The following CPS1 variants were observed in gnomAD, a reference collection of about 807,000 sequenced individuals.
The protein encoded by CPS1 is carbamoyl-phosphate synthase [ammonia], mitochondrial.
CPS1 carries 109 observed loss-of-function variants against 174.6 expected under a neutral mutation model. The ratio of observed to expected loss-of-function variants is 0.62; its 90% CI spans 0.53 to 0.73. The LOEUF is 0.73. Among genes scored for constraint, CPS1 ranks in the 30% least tolerant of loss-of-function variants. The probability of loss-of-function intolerance (pLI) is 0.00; values close to 1 mark genes in which losing one functional copy is unlikely to be tolerated. For synonymous variants in CPS1, 637 were observed against 632.0 expected, an observed-to-expected ratio of 1.01 and a Z score of -0.12; for missense variants, 1,689 against 1,821.9, an observed-to-expected ratio of 0.93 and a Z score of 1.33.
In CPS1 at chr2:210,588,126, T is replaced by A; in HGVS notation, c.690T>A (p.Asn230Lys). The change falls in exon 7 of 38, where the codon AAT (asparagine) becomes AAA (lysine). Residue 230 changes from asparagine (N) to lysine (K), a missense_variant. Transcript: ENST00000233072. Reference sequence around the variant, plus strand: ...CTGTAGACTGTGGGATTAAAAACAATGTAATCCGCCTGCTAGTAAAGGTAA... The same window carrying A: ...CTGTAGACTGTGGGATTAAAAACAAAGTAATCCGCCTGCTAGTAAAGGTAA... ...VVAVDCGIKNNVIRLLVKRGA... is the reference protein window; with the variant it reads ...VVAVDCGIKNKVIRLLVKRGA... 1 of 1,612,878 alleles carries A rather than the reference T, an allele frequency of 6.2e-7. No individual in the cohort carries two copies. Among genetic ancestry groups the A allele is most frequent in the Non-Finnish European group, 8.5e-7 (1 of 1,179,164 alleles).
intron 30 of CPS1, chr2:210,658,325 G>T (rs932976990): frequency 5.2e-6 from 2 of 388,080 alleles, no homozygotes; most frequent in Non-Finnish European, 9.8e-6. Flanking sequence ...GTAAAACCAG[G>T]TTATATAATT....
At chr2:210,673,025 ATGTGTTTT>A (rs1364677679) in intron 34 of CPS1, 2 of 152,188 alleles carry the variant, frequency 1.3e-5, no homozygotes, top group South Asian at 2.1e-4. Flanking sequence ...CAAGGATCAC[ATGTGTTTT>A]ATTGTCACAG....
At chr2:210,590,309 G>A in intron 8 of CPS1, 75 bp downstream of exon 8, 1 of 1,599,800 alleles carries the variant, frequency 6.3e-7, no homozygotes, top group East Asian at 2.2e-5. Context: ...AAAGGGCTGT[G>A]ATACATTTTA....
chr2:210,615,967 G>A (rs116491893), intron 20 of CPS1, among the ~76,000 whole-genome samples: 5,277 of 152,056 alleles, frequency 0.035, 115 homozygotes, highest in Admixed American at 0.058. Context: ...GTGTGAATGT[G>A]GAGTGAGGTG....
At chr2:210,553,093 G>T (rs1696772704), upstream of CPS1, among the ~76,000 whole-genome samples, 1 of 151,488 alleles carries the variant, frequency 6.6e-6, no homozygotes, top group Non-Finnish European at 1.5e-5. Flanking sequence ...CAATGAAAAT[G>T]GAATATTTTG....
intron 21 of CPS1, among the ~76,000 whole-genome samples, chr2:210,634,201 C>A (rs1699959255): frequency 6.6e-6 from 1 of 152,180 alleles, no homozygotes; most frequent in Non-Finnish European, 1.5e-5. Flanking sequence ...GAGGCCGAGG[C>A]AGGCGGATCA....
intron 1 of CPS1, among the ~76,000 whole-genome samples, chr2:210,515,446 C>G (rs1370762625): frequency 1.3e-5 from 2 of 151,464 alleles, no homozygotes; most frequent in African/African-American, 4.8e-5. Flanking sequence ...TTGTGTGTTT[C>G]TAGGAATTTA....
intron 6 of CPS1, among the ~76,000 whole-genome samples, chr2:210,585,637 C>T (rs1212877653): frequency 6.6e-6 from 1 of 151,878 alleles, no homozygotes; most frequent in African/African-American, 2.4e-5. Flanking sequence ...AACATCATCC[C>T]ATACTGCCTT....
intron 33 of CPS1, among the ~76,000 whole-genome samples, chr2:210,667,136 A>G (rs977832536): frequency 7.2e-5 from 11 of 152,006 alleles, no homozygotes; most frequent in African/African-American, 2.7e-4. Flanking sequence ...TTTGTCTGTT[A>G]TTGCTGTATA....
Position 210,668,193 on chromosome 2 carries a change from G to T in CPS1, c.4010G>T (p.Cys1337Phe). The T allele has an allele frequency of 6.2e-7, 1 of 1,612,626 alleles. No homozygotes were observed. Among genetic ancestry groups the T allele is most frequent in the Non-Finnish European group, 8.5e-7 (1 of 1,179,112 alleles). ...CEMASTGEVA[C>F]FGEGIHTAFL... Reference sequence around the variant, plus strand: ...TTATTTATTTCTAAACAGGTGGCTTGCTTTGGTGAAGGTATTCATACAGCC... The same window carrying T: ...TTATTTATTTCTAAACAGGTGGCTTTCTTTGGTGAAGGTATTCATACAGCC... Residue 1337 changes from cysteine (C) to phenylalanine (F), a missense_variant, in exon 34 of 38, where the codon TGC becomes TTC. Transcript: ENST00000233072.
intron 1 of CPS1, among the ~76,000 whole-genome samples, chr2:210,506,697 T>A (rs2105969187): frequency 6.6e-6 from 1 of 152,222 alleles, no homozygotes; most frequent in South Asian, 2.1e-4. Context: ...CTGATGGAGC[T>A]GAAAACCAAG....
chr2:210,565,379 G>A (rs2370997), intron 1 of CPS1, among the ~76,000 whole-genome samples: 2 of 151,922 alleles, frequency 1.3e-5, no homozygotes, highest in African/African-American at 2.4e-5. Flanking sequence ...TTCACAATAC[G>A]TGTAGGCTCC....
chr2:210,635,432 T>C (rs1418508529), intron 21 of CPS1, among the ~76,000 whole-genome samples: 2 of 152,230 alleles, frequency 1.3e-5, no homozygotes, highest in Non-Finnish European at 2.9e-5. Flanking sequence ...GGGGCAGCAC[T>C]GTTCAGTAGA....
intron 1 of CPS1, among the ~76,000 whole-genome samples, chr2:210,528,537 T>C (rs190739365): frequency 1.3e-5 from 2 of 152,020 alleles, no homozygotes; most frequent in East Asian, 3.9e-4. Flanking sequence ...AGGTAATTTA[T>C]TGGAAATACA....
intron 27 of CPS1, among the ~76,000 whole-genome samples, chr2:210,648,961 C>T (rs2371010): frequency 1.3e-5 from 2 of 152,222 alleles, no homozygotes; most frequent in Admixed American, 6.5e-5. Context: ...TTTTGAGATC[C>T]GATTGTTTAA....
chr2:210,592,262 CTGTT>C (rs1398489614), intron 10 of CPS1, among the ~76,000 whole-genome samples: 4 of 151,966 alleles, frequency 2.6e-5, no homozygotes, highest in Admixed American at 6.6e-5. Flanking sequence ...TACCTTTCTC[CTGTT>C]TGTTTGTGAT....
intron 21 of CPS1, chr2:210,617,937 G>T (rs1699367259): frequency 6.6e-6 from 1 of 152,002 alleles, no homozygotes; most frequent in Non-Finnish European, 1.5e-5. Flanking sequence ...GGGGGTGCTA[G>T]AAACTTATAG....
chr2:210,483,918 A>G (rs144910205), intron 1 of CPS1, among the ~76,000 whole-genome samples: 23 of 152,260 alleles, frequency 1.5e-4, no homozygotes, highest in African/African-American at 3.9e-4. Flanking sequence ...TTGCTCATTC[A>G]TTGATCCATT....
intron 21 of CPS1, chr2:210,631,298 C>A (rs552793758): frequency 6.6e-6 from 1 of 152,238 alleles, no homozygotes; most frequent in South Asian, 2.1e-4. Flanking sequence ...TGAAAATTTC[C>A]TCATTAAGGG....
Sources: allele counts gnomAD v4.1 joint callset (sites outside exome capture counted in the v4.1 genomes callset), GRCh38; gene constraint gnomAD v4.1.1; transcripts MANE v1.5; gene names NCBI Gene and HGNC (gene_info 2026-07-23, HGNC 2026-07-21).